AK5: variants seen among roughly 807,000 people sequenced by gnomAD.
The protein encoded by AK5 is adenylate kinase 5, also known as adenylate kinase isoenzyme 5.
AK5 carries 27 observed loss-of-function variants against 69.5 expected under a neutral mutation model. The ratio of observed to expected loss-of-function variants is 0.39; its 90% CI spans 0.29 to 0.54. AK5 has a LOEUF of 0.54. AK5 is among the 20% of genes least tolerant of loss of function. AK5 has a pLI of 0.71. For synonymous variants in AK5, 260 were observed against 244.4 expected (o/e 1.06, Z -0.60); for missense variants, 531 against 700.4 (o/e 0.76, Z 2.73).
chr1:77,555,011 G>T (rs1660028325), intron 13 of AK5, among the ~76,000 whole-genome samples: 1 of 151,952 alleles, frequency 6.6e-6, no homozygotes, highest in South Asian at 2.1e-4. Context: ...CTCTTACATG[G>T]GCTGGGCACC....
intron 9 of AK5, among the ~76,000 whole-genome samples, chr1:77,485,270 A>G (rs1318571654): frequency 2.0e-5 from 3 of 152,192 alleles, no homozygotes; most frequent in Non-Finnish European, 4.4e-5. Context: ...ACTTACTTCT[A>G]TCCTCTGTTT....
At chr1:77,340,065 A>G (rs909136690) in intron 5 of AK5, among the ~76,000 whole-genome samples, 1 of 152,198 alleles carries the variant, frequency 6.6e-6, no homozygotes, top group Middle Eastern at 3.2e-3. Flanking sequence ...ATCAAGTTGC[A>G]TATATAATAT....
intron 6 of AK5, among the ~76,000 whole-genome samples, chr1:77,391,477 G>GTGTT (rs201658908): frequency 7.1e-5 from 5 of 70,778 alleles, no homozygotes; most frequent in Non-Finnish European, 1.2e-4. Context: ...ACATATGTGT[G>GTGTT]TGTGTATGTG....
chr1:77,483,941 G>C (rs1165867983), intron 9 of AK5, among the ~76,000 whole-genome samples: 2 of 152,084 alleles, frequency 1.3e-5, no homozygotes, highest in African/African-American at 4.8e-5. Flanking sequence ...AAGGCGGCCG[G>C]ATCACTTGAG....
At chr1:77,327,933 A>G (rs1355542457) in intron 5 of AK5, among the ~76,000 whole-genome samples, 4 of 152,196 alleles carry the variant, frequency 2.6e-5, no homozygotes, top group Non-Finnish European at 5.9e-5. Context: ...TAAAGGACAA[A>G]ATAAAATATA....
chr1:77,367,795 G>GTTATATA (rs1557533990), intron 6 of AK5, among the ~76,000 whole-genome samples: 79 of 2,140 alleles, frequency 0.037, 15 homozygotes, highest in East Asian at 0.15. Flanking sequence ...TGTTATATAT[G>GTTATATA]TTATATATAA....
At chr1:77,455,847 A>G (rs143939991) in intron 8 of AK5, among the ~76,000 whole-genome samples, 4 of 152,146 alleles carry the variant, frequency 2.6e-5, no homozygotes, top group Non-Finnish European at 4.4e-5. Flanking sequence ...GGTGATTGTA[A>G]TGTGTGTCTG....
At chr1:77,500,312 T>G (rs1418205223) in intron 10 of AK5, among the ~76,000 whole-genome samples, 3 of 152,054 alleles carry the variant, frequency 2.0e-5, no homozygotes, top group African/African-American at 7.2e-5. Context: ...TAGCACACGG[T>G]TTCCGTATTA....
intron 6 of AK5, among the ~76,000 whole-genome samples, chr1:77,400,571 G>A (rs1030621943): frequency 1.3e-5 from 2 of 152,126 alleles, no homozygotes; most frequent in Admixed American, 6.5e-5. Flanking sequence ...AGCTAATGTC[G>A]TAGGAATAAT....
chr1:77,423,129 G>A (rs1368382795), intron 8 of AK5, among the ~76,000 whole-genome samples: 3 of 149,240 alleles, frequency 2.0e-5, no homozygotes, highest in African/African-American at 7.4e-5. Flanking sequence ...GCTGAGGCAG[G>A]AGAATGGCGT....
chr1:77,544,272 G>A (rs1418824302), intron 13 of AK5, among the ~76,000 whole-genome samples: 1 of 152,224 alleles, frequency 6.6e-6, no homozygotes, highest in East Asian at 1.9e-4. Context: ...CTGAGTGAAT[G>A]TGAAGGCCTA....
chr1:77,501,939 G>A (rs1382554423), intron 10 of AK5, among the ~76,000 whole-genome samples: 1 of 152,126 alleles, frequency 6.6e-6, no homozygotes, highest in Non-Finnish European at 1.5e-5. Flanking sequence ...CTCAAAGAGA[G>A]GTTAGTCTAG....
intron 6 of AK5, among the ~76,000 whole-genome samples, chr1:77,400,559 T>C (rs1649144829): frequency 6.6e-6 from 1 of 152,178 alleles, no homozygotes. Flanking sequence ...AAATATTCTC[T>C]GAGCTAATGT....
At chr1:77,432,409 A>G (rs889958403) in intron 8 of AK5, among the ~76,000 whole-genome samples, 3 of 152,320 alleles carry the variant, frequency 2.0e-5, no homozygotes, top group African/African-American at 7.2e-5. Context: ...AGTTTTGTCT[A>G]TTCCATAGTA....
At chr1:77,284,112 T>C (rs1008989586) in intron 1 of AK5, among the ~76,000 whole-genome samples, 1 of 152,202 alleles carries the variant, frequency 6.6e-6, no homozygotes, top group African/African-American at 2.4e-5. Context: ...GGAAGTCAAC[T>C]TGCTTGGGTG....
chr1:77,391,386 A>AT lies in AK5; in HGVS notation c.892-19595_892-19594insT, dbSNP rs1557553760. On this transcript the variant is annotated intron_variant, in intron 6 of 13. Transcript: ENST00000354567. Reference sequence around the variant, plus strand: ...TCTGTCTCAGTACTTTATGCAAAAAAAAAAATATATATATATATACACACA... The same window carrying AT: ...TCTGTCTCAGTACTTTATGCAAAAAATAAAAATATATATATATATACACACA... Among the ~76,000 whole-genome samples, 12 of 143,516 alleles carry AT rather than the reference A, an allele frequency of 8.4e-5. 1 individual carries two copies. Among genetic ancestry groups the AT allele is most frequent in the African/African-American group, 2.7e-4 (10 of 37,028 alleles). The allele number at this position is 143,516 out of a possible 152,430, so 94.2% of individuals were successfully genotyped here.
chr1:77,453,833 T>C (rs2100661841), intron 8 of AK5, among the ~76,000 whole-genome samples: 1 of 152,334 alleles, frequency 6.6e-6, no homozygotes, highest in East Asian at 1.9e-4. Context: ...ACGGTATAAG[T>C]AGTTAGGAAA....
chr1:77,471,714 A>G lies in AK5; in HGVS notation c.1060-11603A>G, dbSNP rs191479013. 3.8e-3 allele frequency among the ~76,000 whole-genome samples: 577 copies of G among 152,358 alleles called. 1 individual carries two copies. The highest frequency in any genetic ancestry group is 0.014 in the African/African-American group (564 of 41,596). On this transcript the variant is annotated intron_variant, in intron 8 of 13. Coordinates refer to ENST00000354567, the MANE Select transcript of AK5 (RefSeq NM_174858.3). Reference sequence around the variant, plus strand: ...ATGGAATGCCACATAAGGTGGCATTAACACCCCACAGCAAATTAAATTGGT... The same window carrying G: ...ATGGAATGCCACATAAGGTGGCATTGACACCCCACAGCAAATTAAATTGGT...
chr1:77,313,656 AC>A (rs1660082472), intron 5 of AK5: 1 of 406,152 alleles, frequency 2.5e-6, no homozygotes, highest in Non-Finnish European at 4.9e-6. Flanking sequence ...TCTACAGCAC[AC>A]CCTGTCCTCC....
Sources: gnomAD v4.1 joint callset for allele counts (sites outside exome capture counted in the v4.1 genomes callset) on GRCh38, gnomAD v4.1.1 for gene constraint, MANE v1.5 for transcripts, NCBI Gene and HGNC (gene_info 2026-07-23, HGNC 2026-07-21) for gene names.